The following GALNT13 variants were observed in gnomAD, a reference collection of about 807,000 sequenced individuals.
The protein encoded by GALNT13 is UDP-GalNAc:polypeptide N-acetylgalactosaminyltransferase 13.
In GALNT13, 28 loss-of-function variants were observed where a neutral mutation model predicts 64.2. The ratio of observed to expected loss-of-function variants is 0.44; its 90% CI spans 0.32 to 0.60. GALNT13 has a LOEUF of 0.60. Among genes scored for constraint, GALNT13 ranks in the 20% least tolerant of loss-of-function variants. The pLI is 0.05. For synonymous variants in GALNT13, 214 were observed against 224.6 expected (o/e 0.95, Z 0.42); for missense variants, 577 against 669.8 (o/e 0.86, Z 1.53).
the GALNT13 span, among the ~76,000 whole-genome samples, chr2:153,325,280 T>G: frequency 1.3e-5 from 2 of 152,106 alleles, no homozygotes; most frequent in African/African-American, 2.4e-5. Context: ...CTAGTTTATG[T>G]GCACTGAGAT....
intron 3 of GALNT13, among the ~76,000 whole-genome samples, chr2:154,054,009 G>A (rs1699776826): frequency 6.6e-6 from 1 of 151,944 alleles, no homozygotes; most frequent in African/African-American, 2.4e-5. Flanking sequence ...TTTTGCCTAA[G>A]GAAATCTAAT....
At chr2:154,024,668 C>T (rs570085208) in intron 3 of GALNT13, among the ~76,000 whole-genome samples, 5 of 152,170 alleles carry the variant, frequency 3.3e-5, no homozygotes, top group East Asian at 1.9e-4. Flanking sequence ...GTAGTTTGAT[C>T]GTCTGAAGCC....
chr2:153,907,593 C>G (rs369779799), intron 2 of GALNT13, among the ~76,000 whole-genome samples: 105 of 151,952 alleles, frequency 6.9e-4, no homozygotes, highest in Non-Finnish European at 1.1e-3. Flanking sequence ...GTCTGTTTTT[C>G]CCTTCTTTGT....
At chr2:154,145,088 CTATCTATCTATCTATATA>C (rs1683501164) in intron 4 of GALNT13, among the ~76,000 whole-genome samples, 1 of 121,234 alleles carries the variant, frequency 8.2e-6, no homozygotes, top group Non-Finnish European at 1.8e-5. Flanking sequence ...ATCTATCTAT[CTATCTATCTATCTATATA>C]TATATATATA....
chr2:154,239,137 T>G (rs1689346705), intron 4 of GALNT13, among the ~76,000 whole-genome samples: 1 of 152,124 alleles, frequency 6.6e-6, no homozygotes, highest in South Asian at 2.1e-4. Flanking sequence ...TTTTGACACA[T>G]AAAATGAATA....
chr2:154,071,970 G>A (rs888554619), intron 3 of GALNT13, among the ~76,000 whole-genome samples: 1 of 152,044 alleles, frequency 6.6e-6, no homozygotes, highest in Non-Finnish European at 1.5e-5. Flanking sequence ...TTTGTTTAGC[G>A]TGAATTATAG....
At chr2:153,111,526 G>A in the GALNT13 span, among the ~76,000 whole-genome samples, 34 of 151,992 alleles carry the variant, frequency 2.2e-4, no homozygotes, top group Non-Finnish European at 2.9e-4. Flanking sequence ...GCAATTTGGT[G>A]AGCTTACAAA....
intron 4 of GALNT13, among the ~76,000 whole-genome samples, chr2:154,238,891 A>T (rs762725368): frequency 5.9e-5 from 9 of 152,028 alleles, no homozygotes; most frequent in Non-Finnish European, 1.2e-4. Context: ...TACAGTATAC[A>T]ATACAGTATT....
the GALNT13 span, among the ~76,000 whole-genome samples, chr2:153,117,132 C>T: frequency 3.3e-5 from 5 of 152,008 alleles, no homozygotes; most frequent in Admixed American, 1.3e-4. Flanking sequence ...AAAAACCAGC[C>T]TCATTATTTT....
rs113815250 is a variant in GALNT13, at chr2:154,202,899, G to A, written c.312-39131G>A. Among the ~76,000 whole-genome samples, 236 of 152,168 alleles carry A rather than the reference G, an allele frequency of 1.6e-3. 1 individual carries two copies. The highest frequency in any genetic ancestry group is 5.4e-3 in the African/African-American group (225 of 41,526). ...TTCTGAGCCTAACATTGGATGTTTC[G>A]CTGCAATAGGTCTGGGCTAGGAAAA... On this transcript the variant is annotated intron_variant, in intron 4 of 12. Coordinates refer to ENST00000392825, the MANE Select transcript of GALNT13 (RefSeq NM_052917.4).
chr2:154,002,182 G>A (rs182146468), intron 3 of GALNT13, among the ~76,000 whole-genome samples: 1 of 152,144 alleles, frequency 6.6e-6, no homozygotes, highest in East Asian at 1.9e-4. Context: ...TGACTTCTGA[G>A]CTTTCTATAC....
the GALNT13 span, among the ~76,000 whole-genome samples, chr2:153,104,825 C>G: frequency 6.6e-6 from 1 of 152,088 alleles, no homozygotes. Flanking sequence ...TCTATTATCT[C>G]TTTTTCACAG....
the GALNT13 span, among the ~76,000 whole-genome samples, chr2:153,800,713 G>C: frequency 2.6e-5 from 4 of 152,128 alleles, no homozygotes; most frequent in Non-Finnish European, 5.9e-5. Context: ...TCCAAAAGAA[G>C]CAACTCATTC....
chr2:153,382,322 C>G, the GALNT13 span, among the ~76,000 whole-genome samples: 1 of 151,938 alleles, frequency 6.6e-6, no homozygotes, highest in South Asian at 2.1e-4. Flanking sequence ...CCAGTGGCCC[C>G]CTCCTTCCCT....
the GALNT13 span, among the ~76,000 whole-genome samples, chr2:153,100,091 A>G: frequency 6.6e-6 from 1 of 152,242 alleles, no homozygotes; most frequent in Non-Finnish European, 1.5e-5. Context: ...AATTCAGAAG[A>G]GATTATTTTG....
chr2:153,071,988 G>A, the GALNT13 span, among the ~76,000 whole-genome samples: 25 of 152,100 alleles, frequency 1.6e-4, 2 homozygotes, highest in Admixed American at 1.1e-3. Context: ...TAACTAGCTC[G>A]TCTCTGTTTC....
the GALNT13 span, among the ~76,000 whole-genome samples, chr2:153,729,766 T>C: frequency 6.6e-6 from 1 of 152,012 alleles, no homozygotes; most frequent in Non-Finnish European, 1.5e-5. Flanking sequence ...ATGTGATAAA[T>C]GACTTTAGTA....
intron 3 of GALNT13, among the ~76,000 whole-genome samples, chr2:154,127,734 A>T (rs1361865006): frequency 6.7e-6 from 1 of 149,734 alleles, no homozygotes; most frequent in Non-Finnish European, 1.5e-5. Context: ...ATATGGATAT[A>T]TGTGTATATG....
the GALNT13 span, among the ~76,000 whole-genome samples, chr2:153,762,819 AT>A: frequency 6.7e-6 from 1 of 149,544 alleles, no homozygotes; most frequent in Admixed American, 6.7e-5. Context: ...TTTTATATAT[AT>A]TTTTTCTTCC....
Sources: gnomAD v4.1 joint callset for allele counts (sites outside exome capture counted in the v4.1 genomes callset) on GRCh38, gnomAD v4.1.1 for gene constraint, MANE v1.5 for transcripts, NCBI Gene and HGNC (gene_info 2026-07-23, HGNC 2026-07-21) for gene names.